The following CADM2 variants were observed in gnomAD, a reference collection of about 807,000 sequenced individuals.
CADM2 encodes the protein immunoglobulin superfamily member 4D.
In CADM2, 12 loss-of-function variants were observed where a neutral mutation model predicts 49.8. That is an observed-to-expected ratio of 0.24 (90% confidence interval 0.15 to 0.39). The LOEUF (loss-of-function observed/expected upper bound fraction) is 0.39, where lower values mean the gene tolerates loss of function less well. Among genes scored for constraint, CADM2 ranks in the 10% least tolerant of loss-of-function variants. The pLI, the probability that CADM2 is intolerant of heterozygous loss-of-function variation, is 1.00. For missense variants in CADM2, 378 were observed against 492.3 expected (o/e 0.77, Z 2.20); for synonymous variants, 214 against 175.4 (o/e 1.22, Z -1.74).
At chr3:85,050,777 C>A (rs565239064) in intron 1 of CADM2, among the ~76,000 whole-genome samples, 8 of 152,270 alleles carry the variant, frequency 5.3e-5, no homozygotes, top group African/African-American at 1.4e-4. Flanking sequence ...ATTGTGGAAA[C>A]TACATTTAAT....
chr3:85,550,291 A>G (rs973103402), intron 1 of CADM2, among the ~76,000 whole-genome samples: 1 of 152,174 alleles, frequency 6.6e-6, no homozygotes, highest in Non-Finnish European at 1.5e-5. Flanking sequence ...ATTGGTTCTG[A>G]TGTAGTTCAG....
chr3:85,394,475 G>C (rs972827991), intron 1 of CADM2, among the ~76,000 whole-genome samples: 5 of 152,024 alleles, frequency 3.3e-5, no homozygotes, highest in African/African-American at 1.2e-4. Flanking sequence ...AGAATTTTCT[G>C]ATCTCATTTT....
At chr3:85,202,659 T>C (rs1274498018) in intron 1 of CADM2, among the ~76,000 whole-genome samples, 2 of 152,168 alleles carry the variant, frequency 1.3e-5, no homozygotes, top group African/African-American at 2.4e-5. Context: ...AGTATTGACT[T>C]CCACTTAAAG....
At chr3:85,850,314 CTTTTTTTTTTTTTTTTT>C (rs577604958) in intron 3 of CADM2, among the ~76,000 whole-genome samples, 1 of 76,064 alleles carries the variant, frequency 1.3e-5, no homozygotes. Context: ...TGTTGCAATT[CTTTTTTTTTTTTTTTTT>C]TTTTTTTTTT....
chr3:85,442,964 C>T (rs2037281815), intron 1 of CADM2, among the ~76,000 whole-genome samples: 1 of 151,776 alleles, frequency 6.6e-6, no homozygotes, highest in Non-Finnish European at 1.5e-5. Context: ...AGTATGAATG[C>T]ATATACAGGT....
intron 1 of CADM2, among the ~76,000 whole-genome samples, chr3:85,566,263 C>T (rs191552834): frequency 1.3e-5 from 2 of 152,096 alleles, no homozygotes; most frequent in Admixed American, 6.6e-5. Context: ...GAATACATTC[C>T]TTTCTAGAAA....
chr3:85,426,131 CT>C (rs75964821), intron 1 of CADM2, among the ~76,000 whole-genome samples: 83,076 of 148,224 alleles, frequency 0.56, 24,130 homozygotes, highest in East Asian at 0.83. Context: ...TTCAGGCTAT[CT>C]TTTTTTTTTT....
intron 1 of CADM2, among the ~76,000 whole-genome samples, chr3:85,430,676 C>G (rs906859533): frequency 1.1e-4 from 12 of 111,714 alleles, no homozygotes; most frequent in Admixed American, 9.5e-4. Flanking sequence ...AGGAGAAAGA[C>G]AGAGAAAAGA....
chr3:85,266,175 G>A (rs1012472239), intron 1 of CADM2, among the ~76,000 whole-genome samples: 5 of 151,768 alleles, frequency 3.3e-5, no homozygotes, highest in Non-Finnish European at 5.9e-5. Context: ...TGGAGTTTGC[G>A]GATAAATATG....
chr3:85,874,029 A>C (rs2108361647), intron 3 of CADM2, among the ~76,000 whole-genome samples: 1 of 152,146 alleles, frequency 6.6e-6, no homozygotes, highest in East Asian at 1.9e-4. Flanking sequence ...ATTGTTAATA[A>C]AATTTATATT....
chr3:85,431,523 G>A (rs538714438), intron 1 of CADM2, among the ~76,000 whole-genome samples: 13 of 152,046 alleles, frequency 8.6e-5, no homozygotes, highest in South Asian at 8.3e-4. Flanking sequence ...GTGTAGCTGC[G>A]TATGTACATG....
intron 8 of CADM2, among the ~76,000 whole-genome samples, chr3:86,010,400 G>A (rs1731349121): frequency 6.6e-6 from 1 of 151,548 alleles, no homozygotes; most frequent in Admixed American, 6.6e-5. Flanking sequence ...AAATGTAAAA[G>A]AGTTATGCAC....
chr3:85,824,881 AC>A (rs768825548), intron 3 of CADM2, among the ~76,000 whole-genome samples: 15 of 152,040 alleles, frequency 9.9e-5, no homozygotes, highest in Non-Finnish European at 2.1e-4. Flanking sequence ...TTGGCAATAA[AC>A]TGGTTTATTG....
intron 1 of CADM2, among the ~76,000 whole-genome samples, chr3:85,214,588 G>A (rs1424252280): frequency 6.6e-6 from 1 of 151,896 alleles, no homozygotes; most frequent in Non-Finnish European, 1.5e-5. Flanking sequence ...TGGGAGCCAG[G>A]GCCTGGAGTA....
At chr3:85,710,948 A>C (rs1388056515) in intron 1 of CADM2, among the ~76,000 whole-genome samples, 1 of 152,072 alleles carries the variant, frequency 6.6e-6, no homozygotes, top group Non-Finnish European at 1.5e-5. Context: ...GCCAGGTGGG[A>C]TTTTAGGCTT....
intron 8 of CADM2, chr3:86,013,530 T>A: frequency 1.2e-6 from 2 of 1,605,022 alleles, no homozygotes; most frequent in African/African-American, 2.7e-5. Context: ...GTTGTTTTCT[T>A]CAAAAACACA....
At chr3:86,047,996 T>C (rs1736870333) in intron 8 of CADM2, among the ~76,000 whole-genome samples, 1 of 152,150 alleles carries the variant, frequency 6.6e-6, no homozygotes, top group African/African-American at 2.4e-5. Context: ...TTCTAACTTT[T>C]CAACTATGAT....
At chr3:85,411,590 A>G (rs769007444) in intron 1 of CADM2, among the ~76,000 whole-genome samples, 6 of 152,216 alleles carry the variant, frequency 3.9e-5, no homozygotes, top group Non-Finnish European at 7.3e-5. Flanking sequence ...CGTAACAATC[A>G]TAGTTTATAC....
intron 8 of CADM2, chr3:86,013,666 T>TA: frequency 6.2e-7 from 1 of 1,602,828 alleles, no homozygotes; most frequent in South Asian, 1.1e-5. Context: ...GAAGAGCACC[T>TA]AACTGTGTTG....
Sources: gnomAD v4.1 joint callset for allele counts (sites outside exome capture counted in the v4.1 genomes callset) on GRCh38, gnomAD v4.1.1 for gene constraint, MANE v1.5 for transcripts, NCBI Gene and HGNC (gene_info 2026-07-23, HGNC 2026-07-21) for gene names.